Variants in CMPK1 observed in about 807,000 individuals in gnomAD.
CMPK1 encodes the protein UMP-CMP kinase.
Under a neutral mutation model 25.7 loss-of-function variants are expected in CMPK1, and 10 were observed. That is an observed-to-expected ratio of 0.39 (90% CI 0.24 to 0.66). The LOEUF (loss-of-function observed/expected upper bound fraction) is 0.66. Ranked by LOEUF, CMPK1 falls within the 30% of genes least tolerant of loss-of-function variation. CMPK1 has a pLI of 0.48. For synonymous variants in CMPK1, 106 were observed against 101.5 expected (o/e 1.04, Z -0.27); for missense variants, 199 against 280.5 (o/e 0.71, Z 2.08).
At chr1:47,336,762 G>A (rs992300883) in intron 1 of CMPK1, among the ~76,000 whole-genome samples, 1 of 152,212 alleles carries the variant, frequency 6.6e-6, no homozygotes, top group African/African-American at 2.4e-5. Context: ...CCAGACTCAA[G>A]GGATCTTACT....
At chr1:47,342,703 G>GCAAT (rs1570352819) in intron 1 of CMPK1, among the ~76,000 whole-genome samples, 1 of 142,094 alleles carries the variant, frequency 7.0e-6, no homozygotes, top group East Asian at 2.1e-4. Flanking sequence ...AGCCTGGAGT[G>GCAAT]CAATGGTGCC....
chr1:47,375,235 A>G lies in CMPK1; in HGVS notation c.587A>G (p.Asp196Gly), dbSNP rs915362521. ...TYLQSTKPII[D>G]LYEEMGKVKK... ...CTTCAGTCAACAAAGCCAATTATTG[A>G]CTTATATGAAGAAATGGGGAAAGTC... Residue 196 changes from aspartate (D) to glycine (G), a missense_variant, in exon 5 of 6, where the codon GAC (aspartate) becomes GGC (glycine). By Grantham distance (94) the Asp-to-Gly change is moderately conservative (BLOSUM62 -1). Around this residue, in one of 2 missense-constraint regions of CMPK1, gnomAD observed 140 missense variants for 235.5 expected, o/e 0.59. Transcript: ENST00000371873. 14 of 1,610,054 alleles carry G rather than the reference A, an allele frequency of 8.7e-6. No homozygotes were observed. Among genetic ancestry groups the G allele is most frequent in the Non-Finnish European group, 1.1e-5 (13 of 1,178,972 alleles).
chr1:47,368,224 G>A (rs1250395309), intron 1 of CMPK1, among the ~76,000 whole-genome samples: 1 of 152,168 alleles, frequency 6.6e-6, no homozygotes, highest in Non-Finnish European at 1.5e-5. Context: ...GATTACAGGT[G>A]TGAGCCACTA....
In CMPK1 at chr1:47,343,401, C is replaced by T. The variant is rs545534809; in HGVS notation, c.171+9285C>T. Among the ~76,000 whole-genome samples the T allele has an allele frequency of 2.2e-4, 33 of 151,446 alleles. 1 individual carries two copies. In the Middle Eastern group the frequency reaches 0.021, roughly 94 times the overall value. On this transcript the variant is annotated intron_variant, in intron 1 of 5. Coordinates refer to ENST00000371873, the MANE Select transcript of CMPK1 (RefSeq NM_016308.3). ...CAGGAGGCTGTAATCCCAGCTACTC[C>T]GGAGGCTGAGGTAGGAGAATCGCTT...
chr1:47,357,540 G>A (rs1258203295), intron 1 of CMPK1, among the ~76,000 whole-genome samples: 1 of 149,618 alleles, frequency 6.7e-6, no homozygotes, highest in African/African-American at 2.5e-5. Context: ...GCTGAAGTGC[G>A]GTGGTGTGAT....
In CMPK1 at chr1:47,334,067, TCGG is replaced by T; in HGVS notation, c.127_129del (p.Gly43del). ...ATGAAGCCGCTGGTCGTGTTCGTCC[TCGG>T]CGGCCCCGGCGCCGGCAAGGGGACC... is the stretch of plus-strand genomic sequence containing the variant. On this transcript the variant is annotated inframe_deletion, in exon 1 of 6. Transcript: ENST00000371873. The T allele has an allele frequency of 6.5e-7, 1 of 1,543,684 alleles. No homozygotes were observed. Among genetic ancestry groups the T allele is most frequent in the African/African-American group, 1.4e-5 (1 of 71,762 alleles).
intron 1 of CMPK1, among the ~76,000 whole-genome samples, chr1:47,362,169 C>CTT (rs10639560): frequency 0.24 from 29,129 of 121,180 alleles, 4,983 homozygotes; most frequent in East Asian, 0.49. Context: ...AGCACCCGGC[C>CTT]TTTTTTTTTT....
At chr1:47,368,200 TC>T (rs1646652725) in intron 1 of CMPK1, among the ~76,000 whole-genome samples, 1 of 152,114 alleles carries the variant, frequency 6.6e-6, no homozygotes. Context: ...CACCTCAGCC[TC>T]CCAAATTGTT....
chr1:47,349,401 C>T (rs1287023811), intron 1 of CMPK1, among the ~76,000 whole-genome samples: 2 of 152,108 alleles, frequency 1.3e-5, no homozygotes, highest in African/African-American at 4.8e-5. Flanking sequence ...TAAAACGAAG[C>T]GTATAGAGGA....
rs781259877 is a variant in CMPK1, at chr1:47,376,858, G to T, written c.*113G>T. ...TTTCATAACTACATCTCAATTAGTG[G>T]CTGGAAAGTACATGGTAAAACAAAG... On this transcript the variant is annotated 3_prime_UTR_variant, in exon 6 of 6. Transcript: ENST00000371873. The T allele has an allele frequency of 1.8e-5, 11 of 599,832 alleles. No individual in the cohort carries two copies. The highest frequency in any genetic ancestry group is 3.8e-5 in the African/African-American group (2 of 52,728). 37.2% of individuals were successfully genotyped at this position (599,832 alleles called of 1,614,324 possible). A position where few individuals can be genotyped will look rare whatever the true frequency, so the allele number is the denominator to read the frequency against.
At chr1:47,335,045 A>G (rs1646386245) in intron 1 of CMPK1, among the ~76,000 whole-genome samples, 1 of 152,172 alleles carries the variant, frequency 6.6e-6, no homozygotes, top group Non-Finnish European at 1.5e-5. Flanking sequence ...CTTCATGGAC[A>G]ATCTGGGGAA....
At chr1:47,368,380 A>G in intron 1 of CMPK1, 89 bp from the exon 2 acceptor site, 1 of 1,053,690 alleles carries the variant, frequency 9.5e-7, no homozygotes, top group Non-Finnish European at 1.3e-6. Flanking sequence ...AAAAATTAGA[A>G]TATAGAAATT....
intron 1 of CMPK1, among the ~76,000 whole-genome samples, chr1:47,351,622 T>C (rs1386751572): frequency 6.6e-6 from 1 of 152,218 alleles, no homozygotes; most frequent in Non-Finnish European, 1.5e-5. Flanking sequence ...CTGAGTCACA[T>C]GGTAATTTTG....
At chr1:47,368,122 G>T (rs1056587268) in intron 1 of CMPK1, among the ~76,000 whole-genome samples, 5 of 151,804 alleles carry the variant, frequency 3.3e-5, no homozygotes, top group Non-Finnish European at 7.4e-5. Flanking sequence ...GCTAATTTTT[G>T]TGTTTTTAGA....
chr1:47,355,467 A>G (rs950952273), intron 1 of CMPK1, among the ~76,000 whole-genome samples: 1 of 147,966 alleles, frequency 6.8e-6, no homozygotes, highest in East Asian at 2.0e-4. Context: ...GGCATGCACC[A>G]CTATGCCCAG....
chr1:47,357,482 C>CTTT (rs5773945), intron 1 of CMPK1, among the ~76,000 whole-genome samples: 2 of 145,194 alleles, frequency 1.4e-5, no homozygotes. Context: ...TTAATGGATT[C>CTTT]TTTTTTTTTT....
chr1:47,377,920 G>A lies in CMPK1; in HGVS notation c.*1175G>A, dbSNP rs997434602. 3.3e-5 allele frequency: 5 copies of A among 152,528 alleles called. No individual in the cohort carries two copies. Among genetic ancestry groups the A allele is most frequent in the Non-Finnish European group, 7.4e-5 (5 of 68,018 alleles). 9.4% of individuals were successfully genotyped at this position (152,528 alleles called of 1,614,324 possible). A position where few individuals can be genotyped will look rare whatever the true frequency, so the allele number is the denominator to read the frequency against. ...ACCAATTCTTCCTTTAAAAATCTCT[G>A]AGGAATTTGTTTTCGCCTTACTTTT... On this transcript the variant is annotated 3_prime_UTR_variant, in exon 6 of 6. Coordinates refer to ENST00000371873, the MANE Select transcript of CMPK1 (RefSeq NM_016308.3).
chr1:47,344,980 G>A (rs180713145), intron 1 of CMPK1, among the ~76,000 whole-genome samples: 72 of 150,528 alleles, frequency 4.8e-4, no homozygotes, highest in African/African-American at 1.7e-3. Flanking sequence ...GCAGTGGTGC[G>A]ATATTGGCAC....
At chr1:47,374,846 T>C (rs1646697153) in intron 3 of CMPK1, 63 bp from the exon 4 acceptor site, 12 of 1,257,618 alleles carry the variant, frequency 9.5e-6, no homozygotes, top group East Asian at 2.5e-5. Flanking sequence ...CTTGTTTTCT[T>C]TGCAGGTTAA....
Sources: allele counts gnomAD v4.1 joint callset (sites outside exome capture counted in the v4.1 genomes callset), GRCh38; gene constraint gnomAD v4.1.1; regional missense constraint gnomAD v4.1.1; transcripts MANE v1.5; gene names NCBI Gene and HGNC (gene_info 2026-07-23, HGNC 2026-07-21).